Variants in TMC1 observed in about 807,000 individuals in gnomAD.
TMC1 encodes transmembrane channel like 1, also known as transmembrane channel-like protein 1.
A neutral mutation model predicts 105.8 loss-of-function variants in TMC1; 84 were observed. The observed-to-expected ratio is 0.79, with a 90% CI of 0.67 to 0.95. TMC1 has a LOEUF of 0.95. TMC1 is among the 40% of genes least tolerant of loss of function. The pLI is 0.00. For synonymous variants in TMC1, 315 were observed against 311.5 expected, an observed-to-expected ratio of 1.01 and a Z score of -0.12; for missense variants, 817 against 914.1, an observed-to-expected ratio of 0.89 and a Z score of 1.37.
intron 4 of TMC1, among the ~76,000 whole-genome samples, chr9:72,647,048 AG>A (rs1486839453): frequency 6.6e-6 from 1 of 151,268 alleles, no homozygotes; most frequent in Non-Finnish European, 1.5e-5. Context: ...AGGCTGAGGC[AG>A]GAAAATTGCT....
At chr9:72,710,412 T>G (rs886211297) in intron 8 of TMC1, among the ~76,000 whole-genome samples, 1 of 152,210 alleles carries the variant, frequency 6.6e-6, no homozygotes, top group South Asian at 2.1e-4. Context: ...ACTTTCTGTC[T>G]TGATGACCTG....
chr9:72,725,355 A>G (rs972146472), intron 8 of TMC1, among the ~76,000 whole-genome samples: 1 of 80,310 alleles, frequency 1.2e-5, no homozygotes, highest in African/African-American at 5.2e-5. Flanking sequence ...ATATATATAT[A>G]TATATATATA....
intron 3 of TMC1, among the ~76,000 whole-genome samples, chr9:72,626,050 C>G (rs1825341902): frequency 6.6e-6 from 1 of 152,006 alleles, no homozygotes; most frequent in Non-Finnish European, 1.5e-5. Context: ...GATTGTATAC[C>G]TATATATAAG....
chr9:72,603,862 T>TG (rs1824865167), intron 2 of TMC1, among the ~76,000 whole-genome samples: 1 of 144,656 alleles, frequency 6.9e-6, no homozygotes, highest in Non-Finnish European at 1.5e-5. Context: ...TTTTTTTTTT[T>TG]TTTTTTTTTT....
intron 4 of TMC1, among the ~76,000 whole-genome samples, chr9:72,631,557 T>C (rs944162411): frequency 6.6e-6 from 1 of 152,248 alleles, no homozygotes; most frequent in Admixed American, 6.5e-5. Flanking sequence ...AGTATAATAC[T>C]TTATTTTGCA....
rs745767539 is a variant in TMC1 at position 72,740,124 on chromosome 9, C to CA, written c.375dup (p.Phe126IlefsTer4). On this transcript the variant is annotated frameshift_variant, in exon 9 of 24. Transcript: ENST00000297784. LOFTEE classifies it high-confidence loss of function. ...TGTTATTTTTATTTTCTCAGGGAGG[C>CA]AAAAAAATTTGTGAGTGAAAATGAA... The CA allele has an allele frequency of 6.2e-7, 1 of 1,612,948 alleles. No individual in the cohort carries two copies. The highest frequency in any genetic ancestry group is 8.5e-7 in the Non-Finnish European group (1 of 1,179,392).
chr9:72,732,144 G>A (rs1827221097), intron 8 of TMC1, among the ~76,000 whole-genome samples: 1 of 152,112 alleles, frequency 6.6e-6, no homozygotes, highest in African/African-American at 2.4e-5. Flanking sequence ...CCAAGCATTT[G>A]CATAATTGCC....
intron 5 of TMC1, among the ~76,000 whole-genome samples, chr9:72,662,949 C>A (rs72733018): frequency 0.099 from 15,053 of 152,158 alleles, 894 homozygotes; most frequent in African/African-American, 0.15. Context: ...TTGTAACCAC[C>A]CAAGGGGTTC....
At chr9:72,713,733 T>C (rs1826872823) in intron 8 of TMC1, among the ~76,000 whole-genome samples, 1 of 151,850 alleles carries the variant, frequency 6.6e-6, no homozygotes, top group Admixed American at 6.6e-5. Flanking sequence ...TTGATTTTTT[T>C]TTTTTTTGAA....
chr9:72,765,006 G>C (rs1319756176), intron 12 of TMC1, among the ~76,000 whole-genome samples: 1 of 152,176 alleles, frequency 6.6e-6, no homozygotes, highest in African/African-American at 2.4e-5. Flanking sequence ...CCAGTAAAGA[G>C]AACCTCTATT....
At chr9:72,771,660 C>T (rs764384994) in intron 12 of TMC1, among the ~76,000 whole-genome samples, 54 of 152,128 alleles carry the variant, frequency 3.5e-4, no homozygotes, top group Admixed American at 6.6e-5. Flanking sequence ...AGTAACAGTG[C>T]TTCAATGCTG....
chr9:72,699,484 G>T (rs1826606358), intron 7 of TMC1, among the ~76,000 whole-genome samples: 1 of 151,782 alleles, frequency 6.6e-6, no homozygotes, highest in African/African-American at 2.4e-5. Flanking sequence ...ATTTTTAAGG[G>T]CAAAGACATC....
chr9:72,584,237 A>C (rs1212065823), intron 2 of TMC1, among the ~76,000 whole-genome samples: 2 of 151,458 alleles, frequency 1.3e-5, no homozygotes, highest in African/African-American at 4.9e-5. Flanking sequence ...TAAGCTAAGG[A>C]GGTTGCATGA....
At chr9:72,631,336 A>T (rs200446606) in intron 4 of TMC1, among the ~76,000 whole-genome samples, 1 of 152,134 alleles carries the variant, frequency 6.6e-6, no homozygotes, top group Admixed American at 6.5e-5. Context: ...GTCTCGTTTT[A>T]TTTTGTTTTC....
rs754836620 is a variant in TMC1 at position 72,748,525 on chromosome 9, C to CTAT, written c.536-3310_536-3308dup. ...ATAACTGACCATCAAGATATACTAG[C>CTAT]TATTATTATTATTATTACTCATTTT... is the stretch of plus-strand genomic sequence containing the variant. On this transcript the variant is annotated intron_variant, in intron 10 of 23. Transcript: ENST00000297784. 2.0e-4 allele frequency among the ~76,000 whole-genome samples: 31 copies of CTAT among 151,858 alleles called. No individual in the cohort carries two copies. In the East Asian group the frequency reaches 4.3e-3, roughly 21 times the overall value.
At chr9:72,810,235 A>T (rs745327124) in intron 18 of TMC1, among the ~76,000 whole-genome samples, 1 of 152,128 alleles carries the variant, frequency 6.6e-6, no homozygotes. Flanking sequence ...CTAATCAATA[A>T]TATGGTTTCA....
chr9:72,636,793 C>T (rs1051414562), intron 4 of TMC1, among the ~76,000 whole-genome samples: 9 of 151,152 alleles, frequency 6.0e-5, no homozygotes, highest in African/African-American at 2.2e-4. Flanking sequence ...AGCAGAGGTT[C>T]TCAACAATTG....
intron 5 of TMC1, among the ~76,000 whole-genome samples, chr9:72,658,617 T>C (rs1825921798): frequency 6.6e-6 from 1 of 152,250 alleles, no homozygotes; most frequent in Non-Finnish European, 1.5e-5. Flanking sequence ...AACAGAATTA[T>C]TGAAAACAGC....
At chr9:72,805,963 A>G (rs975543036) in intron 18 of TMC1, among the ~76,000 whole-genome samples, 8 of 152,084 alleles carry the variant, frequency 5.3e-5, no homozygotes, top group African/African-American at 1.9e-4. Context: ...CAGACACGGC[A>G]ACCATCCGAT....
Sources: gnomAD v4.1 joint callset for allele counts (sites outside exome capture counted in the v4.1 genomes callset) on GRCh38, gnomAD v4.1.1 for gene constraint, MANE v1.5 for transcripts, NCBI Gene and HGNC (gene_info 2026-07-23, HGNC 2026-07-21) for gene names.